Variants in DNAJC2 observed in about 807,000 individuals in gnomAD.
DNAJC2 encodes DnaJ heat shock protein family (Hsp40) member C2.
DNAJC2 carries 32 observed loss-of-function variants against 94.0 expected under a neutral mutation model. The ratio of observed to expected loss-of-function variants is 0.34; its 90% CI spans 0.26 to 0.46. The LOEUF is 0.46. Among genes scored for constraint, DNAJC2 ranks in the 20% least tolerant of loss-of-function variants. The pLI is 1.00. For missense variants in DNAJC2, 550 were observed against 719.5 expected (o/e 0.76, Z 2.69); for synonymous variants, 210 against 229.7 (o/e 0.91, Z 0.77).
At chr7:103,344,488 G>C in intron 1 of DNAJC2, 71 bp downstream of exon 1, 1 of 1,563,996 alleles carries the variant, frequency 6.4e-7, no homozygotes, top group African/African-American at 1.3e-5. Context: ...GAGAGCCCAG[G>C]GTTGCCGAGG....
At chr7:103,332,137 T>A (rs1343903042) in intron 3 of DNAJC2, among the ~76,000 whole-genome samples, 1 of 151,994 alleles carries the variant, frequency 6.6e-6, no homozygotes, top group Non-Finnish European at 1.5e-5. Context: ...CCCGAGTAGC[T>A]GGGACTACAG....
intron 2 of DNAJC2, among the ~76,000 whole-genome samples, chr7:103,338,604 C>T (rs1819264522): frequency 6.6e-6 from 1 of 151,898 alleles, no homozygotes; most frequent in South Asian, 2.1e-4. Flanking sequence ...CGGCCAAGAC[C>T]CTGTCTTTAA....
chr7:103,335,024 G>GAAA (rs1819115145), intron 3 of DNAJC2, among the ~76,000 whole-genome samples: 1 of 151,762 alleles, frequency 6.6e-6, no homozygotes, highest in Non-Finnish European at 1.5e-5. Context: ...AGTAGAGACG[G>GAAA]GGTTTCGCCA....
At chr7:103,337,525 C>A in intron 3 of DNAJC2, 1 of 479,120 alleles carries the variant, frequency 2.1e-6, no homozygotes, top group Non-Finnish European at 3.7e-6. Context: ...ATTTCTTATC[C>A]CTAATGGGAA....
intron 9 of DNAJC2, 52 bp from the exon 10 acceptor site, chr7:103,322,133 A>C: frequency 7.6e-7 from 1 of 1,323,130 alleles, no homozygotes; most frequent in Non-Finnish European, 1.0e-6. Context: ...AAATTCCTAA[A>C]TGTTTTATAA....
chr7:103,319,319 C>G (rs541612444), intron 12 of DNAJC2, among the ~76,000 whole-genome samples: 1 of 152,132 alleles, frequency 6.6e-6, no homozygotes, highest in Non-Finnish European at 1.5e-5. Flanking sequence ...CGCCTATAAT[C>G]CCAGTTACTC....
Position 103,341,889 on chromosome 7 carries a change from T to G in DNAJC2, c.130A>C (p.Arg44=), listed in dbSNP as rs771631044. ...TCCTGAAAAGAGGCAGAAGCATTTC[T>G]GTTTCTCCTCTTAACAAAAGCTTCA... ...WFEAFVKRRN[R]NASASFQELE... Residue 44 remains arginine (R), a synonymous_variant, in exon 2 of 17, where the codon AGA becomes CGA. Coordinates refer to ENST00000379263, the MANE Select transcript of DNAJC2 (RefSeq NM_014377.3). 5.0e-6 allele frequency: 8 copies of G among 1,613,356 alleles called. No homozygotes were observed. The highest frequency in any genetic ancestry group is 5.9e-6 in the Non-Finnish European group (7 of 1,179,796).
chr7:103,314,731 A>G (rs1817952240), intron 15 of DNAJC2: 6 of 767,532 alleles, frequency 7.8e-6, no homozygotes, highest in South Asian at 1.2e-4. Context: ...TTCCTCCCCT[A>G]TATTAACACT....
At chr7:103,333,795 C>G (rs932109647) in intron 3 of DNAJC2, among the ~76,000 whole-genome samples, 2 of 152,134 alleles carry the variant, frequency 1.3e-5, no homozygotes, top group Admixed American at 1.3e-4. Context: ...GAGATTCATC[C>G]ATGTTTTTCT....
At chr7:103,313,267 G>A in intron 15 of DNAJC2, 166 bp from the exon 16 acceptor site, 1 of 1,339,980 alleles carries the variant, frequency 7.5e-7, no homozygotes, top group Non-Finnish European at 9.5e-7. Context: ...GTGTTAATAA[G>A]AGAAAAAATT....
chr7:103,326,383 C>T (rs947852448), intron 5 of DNAJC2, among the ~76,000 whole-genome samples, 160 bp downstream of exon 5: 2 of 151,888 alleles, frequency 1.3e-5, no homozygotes, highest in African/African-American at 4.8e-5. Flanking sequence ...AGTAAGTTCA[C>T]CAGAAGGGCT....
intron 3 of DNAJC2, chr7:103,337,041 T>C (rs922327854): frequency 6.6e-6 from 1 of 152,198 alleles, no homozygotes; most frequent in Non-Finnish European, 1.5e-5. Context: ...TCAATATCCA[T>C]TCTCTAGAGT....
At chr7:103,327,598 A>C (rs1339045897) in intron 4 of DNAJC2, 58 bp downstream of exon 4, 8 of 1,156,088 alleles carry the variant, frequency 6.9e-6, no homozygotes, top group Non-Finnish European at 1.0e-5. Flanking sequence ...ACCCAATCCC[A>C]GCAATTAATA....
chr7:103,323,500 GAA>G (rs914504033), intron 7 of DNAJC2, 96 bp downstream of exon 7: 2 of 1,235,522 alleles, frequency 1.6e-6, no homozygotes, highest in African/African-American at 3.2e-5. Flanking sequence ...TGTACAAAGA[GAA>G]AATATGAAAG....
intron 3 of DNAJC2, among the ~76,000 whole-genome samples, chr7:103,333,973 C>T (rs1304425945): frequency 1.4e-5 from 2 of 142,776 alleles, no homozygotes; most frequent in South Asian, 2.2e-4. Context: ...TTTTTTGAGA[C>T]GGAGTCTCGC....
chr7:103,344,598 C>T lies in DNAJC2; in HGVS notation c.25G>A (p.Asp9Asn). 6.2e-7 allele frequency: 1 copy of T among 1,612,834 alleles called. No homozygotes were observed. The highest frequency in any genetic ancestry group is 2.2e-5 in the East Asian group (1 of 44,856). Residue 9 changes from aspartate to asparagine, a missense_variant, in exon 1 of 17, where the codon GAC (aspartate) becomes AAC (asparagine). Coordinates refer to ENST00000379263, the MANE Select transcript of DNAJC2 (RefSeq NM_014377.3). ...TGGGTGATGGCGGTGCCCCGGCCGT[C>T]CGCGGCGCTTGGCAGAAGCAGCATG... is the stretch of plus-strand genomic sequence containing the variant. MLLLPSAA[D>N]GRGTAITHAL...
intron 3 of DNAJC2, among the ~76,000 whole-genome samples, chr7:103,328,198 AG>A (rs200115333): frequency 0.048 from 7,328 of 152,124 alleles, 235 homozygotes; most frequent in African/African-American, 0.08. Context: ...CTGGGATTAC[AG>A]GTGTGAGCCA....
chr7:103,320,639 G>A (rs1818335974), intron 10 of DNAJC2, among the ~76,000 whole-genome samples: 1 of 151,038 alleles, frequency 6.6e-6, no homozygotes, highest in Non-Finnish European at 1.5e-5. Flanking sequence ...AGCTACTCGG[G>A]AGGCTGAGGC....
chr7:103,322,928 CAAT>C, intron 7 of DNAJC2, 134 bp from the exon 8 acceptor site: 3 of 758,714 alleles, frequency 4.0e-6, no homozygotes, highest in Non-Finnish European at 2.1e-6. Flanking sequence ...TAACATTAAA[CAAT>C]GATTTTTTTT....
Sources: allele counts gnomAD v4.1 joint callset (sites outside exome capture counted in the v4.1 genomes callset), GRCh38; gene constraint gnomAD v4.1.1; transcripts MANE v1.5; gene names NCBI Gene and HGNC (gene_info 2026-07-23, HGNC 2026-07-21).